The following DCTN4 variants were observed in gnomAD, a reference collection of about 807,000 sequenced individuals.
DCTN4 encodes dynactin 4 (p62).
In DCTN4, 23 loss-of-function variants were observed where a neutral mutation model predicts 62.7. The ratio of observed to expected loss-of-function variants is 0.37; its 90% CI spans 0.26 to 0.52. The LOEUF (loss-of-function observed/expected upper bound fraction) is 0.52, where lower values mean the gene tolerates loss of function less well. DCTN4 is among the 20% of genes least tolerant of loss of function. DCTN4 has a pLI of 0.92. For synonymous variants in DCTN4, 199 were observed against 202.1 expected (o/e 0.98, Z 0.13); for missense variants, 514 against 580.4 (o/e 0.89, Z 1.18).
At chr5:150,745,977 C>T (rs1760946508) in intron 3 of DCTN4, among the ~76,000 whole-genome samples, 1 of 151,230 alleles carries the variant, frequency 6.6e-6, no homozygotes, top group Non-Finnish European at 1.5e-5. Context: ...CACAAAAAAC[C>T]CTTCAAAAAA....
chr5:150,733,375 G>A lies in DCTN4; in HGVS notation c.530C>T (p.Ala177Val). 2 of 1,611,298 alleles carry A rather than the reference G, an allele frequency of 1.2e-6. No homozygotes were observed. Among genetic ancestry groups the A allele is most frequent in the Non-Finnish European group, 1.7e-6 (2 of 1,178,512 alleles). Reference sequence around the variant, plus strand: ...TTAGTACCAAATTCTCACCGAAAAAGCCAGAGGCATATAGTTTCTACGTCG... The same window carrying A: ...TTAGTACCAAATTCTCACCGAAAAAACCAGAGGCATATAGTTTCTACGTCG... ...LARRRNYMPLAFSDKYGLGTR... is the reference protein window; with the variant it reads ...LARRRNYMPLVFSDKYGLGTR... The change falls in exon 5 of 13, where the codon GCT becomes GTT. Residue 177 changes from alanine (A) to valine (V), a missense_variant. By Grantham distance (64) the Ala-to-Val change is moderately conservative (BLOSUM62 0). Transcript: ENST00000447998.
intron 3 of DCTN4, among the ~76,000 whole-genome samples, chr5:150,750,043 G>A (rs1489010451): frequency 6.6e-6 from 1 of 152,120 alleles, no homozygotes; most frequent in Non-Finnish European, 1.5e-5. Flanking sequence ...GTGATAGAAA[G>A]CATATCAGTC....
chr5:150,747,540 T>C (rs2113127006), intron 3 of DCTN4, among the ~76,000 whole-genome samples: 1 of 152,310 alleles, frequency 6.6e-6, no homozygotes, highest in African/African-American at 2.4e-5. Context: ...CTTCAAACTA[T>C]ACTACAAGGC....
intron 9 of DCTN4, among the ~76,000 whole-genome samples, chr5:150,722,532 A>T (rs1759990978): frequency 6.6e-6 from 1 of 152,200 alleles, no homozygotes; most frequent in Non-Finnish European, 1.5e-5. Context: ...TAAAATGAAC[A>T]CTGTTACAGG....
chr5:150,737,421 C>T (rs1315579012), intron 4 of DCTN4, among the ~76,000 whole-genome samples: 1 of 152,138 alleles, frequency 6.6e-6, no homozygotes, highest in Non-Finnish European at 1.5e-5. Context: ...AGTACTCGCT[C>T]AGACAGCAGT....
intron 12 of DCTN4, among the ~76,000 whole-genome samples, chr5:150,712,352 A>C (rs1759601140): frequency 6.6e-6 from 1 of 151,994 alleles, no homozygotes; most frequent in African/African-American, 2.4e-5. Context: ...CTGGTCTCGA[A>C]CTCCTGATCT....
intron 11 of DCTN4, 107 bp from the exon 12 acceptor site, chr5:150,715,769 A>T: frequency 1.2e-6 from 1 of 819,772 alleles, no homozygotes. Context: ...AAGTTTCAGG[A>T]AACATATACT....
intron 9 of DCTN4, among the ~76,000 whole-genome samples, chr5:150,721,706 T>A (rs1759959405): frequency 1.3e-5 from 2 of 152,266 alleles, no homozygotes; most frequent in African/African-American, 4.8e-5. Context: ...ATTTTTATCT[T>A]TTCAATTTCT....
intron 8 of DCTN4, among the ~76,000 whole-genome samples, chr5:150,730,313 C>T (rs1399897608): frequency 6.6e-6 from 1 of 151,828 alleles, no homozygotes; most frequent in East Asian, 1.9e-4. Context: ...TTTATTGGTC[C>T]TCCCTGAGCC....
In DCTN4 at chr5:150,740,132, C is replaced by T. The variant is rs147788871; in HGVS notation, c.429+1982G>A. On this transcript the variant is annotated intron_variant, in intron 4 of 12. Coordinates refer to ENST00000447998, the MANE Select transcript of DCTN4 (RefSeq NM_016221.4). ...TGAAATAATCAGCAGACTAAAAAGA[C>T]AGCCCATAGAGTGGGAGAAAATCTT... Among the ~76,000 whole-genome samples the T allele has an allele frequency of 1.4e-4, 22 of 152,208 alleles. No individual in the cohort carries two copies. In the East Asian group the frequency reaches 2.7e-3, roughly 19 times the overall value.
chr5:150,736,294 T>G lies in DCTN4; in HGVS notation c.430-2819A>C, dbSNP rs559053112. The G allele has an allele frequency of 6.6e-5, 10 of 152,128 alleles. No individual in the cohort carries two copies. In the South Asian group the frequency reaches 2.1e-3, roughly 32 times the overall value. 9.4% of individuals were successfully genotyped at this position (152,128 alleles called of 1,614,324 possible). A position where few individuals can be genotyped will look rare whatever the true frequency, so the allele number is the denominator to read the frequency against. On this transcript the variant is annotated intron_variant, in intron 4 of 12. Transcript: ENST00000447998. ...AATTCATCGCAAAAAGATCACCACCTAGGCACACAGTCATCAGGTTATCTA... is the reference window on the plus strand; with the variant it reads ...AATTCATCGCAAAAAGATCACCACCGAGGCACACAGTCATCAGGTTATCTA...
intron 3 of DCTN4, among the ~76,000 whole-genome samples, chr5:150,743,978 A>C (rs1257682321): frequency 6.6e-6 from 1 of 152,146 alleles, no homozygotes; most frequent in African/African-American, 2.4e-5. Flanking sequence ...GGCTTCAGAC[A>C]ATCAAACTAC....
chr5:150,745,360 C>T (rs1418229985), intron 3 of DCTN4, among the ~76,000 whole-genome samples: 3 of 151,768 alleles, frequency 2.0e-5, no homozygotes, highest in Non-Finnish European at 2.9e-5. Flanking sequence ...TAACACCCCA[C>T]TGTCAACATT....
rs553519014 is a variant in DCTN4 at position 150,709,891 on chromosome 5, G to T, written c.*1258C>A. ...CTAACAATACTTTTACAGAAAACACGGTGCAGCTGGTGGTCTACTTTATCA... is the reference window on the plus strand; with the variant it reads ...CTAACAATACTTTTACAGAAAACACTGTGCAGCTGGTGGTCTACTTTATCA... On this transcript the variant is annotated 3_prime_UTR_variant, in exon 13 of 13. Coordinates refer to ENST00000447998, the MANE Select transcript of DCTN4 (RefSeq NM_016221.4). 1.3e-5 allele frequency: 2 copies of T among 152,274 alleles called. No individual in the cohort carries two copies. Among genetic ancestry groups the T allele is most frequent in the Non-Finnish European group, 2.9e-5 (2 of 68,026 alleles). The allele number at this position is 152,274 out of a possible 1,614,324, so 9.4% of individuals were successfully genotyped here.
In DCTN4 at chr5:150,749,332, C is replaced by T. The variant is rs75117313; in HGVS notation, c.385+4147G>A. 5.5e-3 allele frequency among the ~76,000 whole-genome samples: 842 copies of T among 152,296 alleles called. 7 individuals carry two copies. The highest frequency in any genetic ancestry group is 0.02 in the African/African-American group (818 of 41,552). ...AGGGAAAAGATTTGTACAGACAGTT[C>T]ACCAAAGATATATGGCTGGTAAACA... On this transcript the variant is annotated intron_variant, in intron 3 of 12. Transcript: ENST00000447998.
intron 4 of DCTN4, among the ~76,000 whole-genome samples, chr5:150,738,543 T>C (rs775607235): frequency 3.9e-5 from 6 of 152,114 alleles, no homozygotes; most frequent in Non-Finnish European, 4.4e-5. Context: ...GACAGAGAAA[T>C]AGCATTTGAC....
At chr5:150,717,315 T>C (rs879443315) in intron 11 of DCTN4, among the ~76,000 whole-genome samples, 1 of 152,222 alleles carries the variant, frequency 6.6e-6, no homozygotes, top group Non-Finnish European at 1.5e-5. Flanking sequence ...AGTGGCGCGA[T>C]CTCAGCTCAC....
In DCTN4 at chr5:150,709,249, G is replaced by T. The variant is rs1759477210; in HGVS notation, c.*1900C>A. On this transcript the variant is annotated 3_prime_UTR_variant, in exon 13 of 13. Transcript: ENST00000447998. ...AAAAAGTTTATGATCAAAGTGTTTT[G>T]TGTTTCTGTGTATGGGAATGATGAG... is the stretch of plus-strand genomic sequence containing the variant. The T allele has an allele frequency of 6.6e-6, 1 of 152,492 alleles. No individual in the cohort carries two copies. The allele number at this position is 152,492 out of a possible 1,614,324, so 9.4% of individuals were successfully genotyped here. A position where few individuals can be genotyped will look rare whatever the true frequency, so the allele number is the denominator to read the frequency against.
In DCTN4 at chr5:150,711,103, T is replaced by C. The variant is rs1759543338; in HGVS notation, c.*46A>G. ...AGCAGCTTCCACATTTTAACGCAGG[T>C]TTACGGTGATACTGTCCTTTGGGAT... On this transcript the variant is annotated 3_prime_UTR_variant, in exon 13 of 13. Transcript: ENST00000447998. 1.9e-6 allele frequency: 3 copies of C among 1,569,522 alleles called. No individual in the cohort carries two copies. Among genetic ancestry groups the C allele is most frequent in the South Asian group, 2.2e-5 (2 of 89,868 alleles).
Sources: gnomAD v4.1 joint callset for allele counts (sites outside exome capture counted in the v4.1 genomes callset) on GRCh38, gnomAD v4.1.1 for gene constraint, MANE v1.5 for transcripts, NCBI Gene and HGNC (gene_info 2026-07-23, HGNC 2026-07-21) for gene names.